The following IGBP1 variants were observed in gnomAD, a reference collection of about 807,000 sequenced individuals.
IGBP1 encodes immunoglobulin binding protein 1.
IGBP1 carries 2 observed loss-of-function variants against 25.9 expected under a neutral mutation model. That is an observed-to-expected ratio of 0.08 (90% confidence interval 0.03 to 0.24). IGBP1 has a LOEUF of 0.24. IGBP1 is among the 10% of genes least tolerant of loss of function. The probability of loss-of-function intolerance (pLI) is 1.00; values close to 1 mark genes in which losing one functional copy is unlikely to be tolerated. For synonymous variants in IGBP1, 96 were observed against 93.4 expected, an observed-to-expected ratio of 1.03 and a Z score of -0.16; for missense variants, 187 against 260.4, an observed-to-expected ratio of 0.72 and a Z score of 1.94.
chrX:70,148,904 T>TTA (rs1217309796), intron 5 of IGBP1, 64 bp downstream of exon 5: 2 of 789,567 alleles, frequency 2.5e-6, no homozygotes. Context: ...TGGCAATTCA[T>TTA]TAGTGACCCA....
At chrX:70,156,574 G>C (rs927090180) in intron 6 of IGBP1, among the ~76,000 whole-genome samples, 13 of 112,233 alleles carry the variant, frequency 1.2e-4, no homozygotes, top group African/African-American at 4.2e-4. Context: ...GGTCTAAGAA[G>C]AAATTAGAAA....
chrX:70,142,111 T>C (rs1334344913), intron 3 of IGBP1, among the ~76,000 whole-genome samples: 1 of 111,468 alleles, frequency 9.0e-6, no homozygotes, highest in Non-Finnish European at 1.9e-5. Flanking sequence ...GGCGGGCAGA[T>C]TGTTTGAGTC....
chrX:70,156,282 T>C (rs1244374937), intron 6 of IGBP1, among the ~76,000 whole-genome samples: 1 of 89,375 alleles, frequency 1.1e-5, no homozygotes, highest in African/African-American at 5.0e-5. Flanking sequence ...AAACCTTCAA[T>C]TTGTTAAAAA....
rs771604259 is a variant in IGBP1, at chrX:70,145,038, AAAAAAAG to A, written c.483-1592_483-1586del. Among the ~76,000 whole-genome samples, 595 of 109,009 alleles carry A rather than the reference AAAAAAAG, an allele frequency of 5.5e-3. 3 individuals carry two copies. Among genetic ancestry groups the A allele is most frequent in the Non-Finnish European group, 9.8e-3 (514 of 52,541 alleles). 94.7% of individuals were successfully genotyped at this position (109,009 alleles called of 115,157 possible). A position where few individuals can be genotyped will look rare whatever the true frequency, so the allele number is the denominator to read the frequency against. ...ATCTATAAAAATTTCTCAGCCAAAA[AAAAAAAG>A]AAGAAAGAAAAAGAAAGCATACAGG... On this transcript the variant is annotated intron_variant, in intron 3 of 6. Transcript: ENST00000356413.
intron 3 of IGBP1, among the ~76,000 whole-genome samples, chrX:70,140,220 T>C (rs2085121623): frequency 8.9e-6 from 1 of 112,468 alleles, no homozygotes; most frequent in Non-Finnish European, 1.9e-5. Flanking sequence ...AGCCATTTCT[T>C]GTTCACTATG....
intron 6 of IGBP1, among the ~76,000 whole-genome samples, chrX:70,153,900 T>C (rs1340487226): frequency 2.7e-5 from 3 of 110,904 alleles, no homozygotes; most frequent in African/African-American, 9.8e-5. Context: ...AAAGGCTCAA[T>C]ATCTTTTATA....
intron 3 of IGBP1, among the ~76,000 whole-genome samples, chrX:70,143,840 C>T (rs745921591): frequency 8.9e-6 from 1 of 112,271 alleles, no homozygotes; most frequent in Non-Finnish European, 1.9e-5. Context: ...GGTTCTTTTA[C>T]TAAAACAGTT....
chrX:70,146,333 G>C (rs1016369767), intron 3 of IGBP1, among the ~76,000 whole-genome samples: 1 of 110,365 alleles, frequency 9.1e-6, no homozygotes, highest in African/African-American at 3.3e-5. Context: ...CCCTAGTAAA[G>C]GCCAGTATAA....
chrX:70,146,851 A>G, intron 4 of IGBP1, 23 bp downstream of exon 4: 1 of 1,070,038 alleles, frequency 9.3e-7, no homozygotes, highest in South Asian at 1.9e-5. Context: ...AGAGAAATCT[A>G]CTGCCAGAGA....
intron 6 of IGBP1, among the ~76,000 whole-genome samples, chrX:70,159,415 G>A (rs1181454995): frequency 2.7e-5 from 3 of 111,751 alleles, no homozygotes; most frequent in African/African-American, 9.8e-5. Flanking sequence ...AGTTGCGCGG[G>A]GGGAATCTCT....
chrX:70,145,968 G>T (rs1203893299), intron 3 of IGBP1, among the ~76,000 whole-genome samples: 1 of 111,886 alleles, frequency 8.9e-6, no homozygotes, highest in Non-Finnish European at 1.9e-5. Context: ...TGGAATGAAT[G>T]CTTCATGAGA....
At chrX:70,155,682 A>G (rs1569424219) in intron 6 of IGBP1, among the ~76,000 whole-genome samples, 1 of 111,063 alleles carries the variant, frequency 9.0e-6, no homozygotes, top group Non-Finnish European at 1.9e-5. Flanking sequence ...TTCCAAAATA[A>G]AAAACAAATC....
intron 3 of IGBP1, among the ~76,000 whole-genome samples, chrX:70,144,789 A>G (rs1277218656): frequency 9.6e-6 from 1 of 104,491 alleles, no homozygotes; most frequent in Non-Finnish European, 1.9e-5. Flanking sequence ...CCTCCTGAGT[A>G]GCTGGAATTA....
chrX:70,152,430 T>G (rs1221453747), intron 6 of IGBP1, among the ~76,000 whole-genome samples: 1 of 106,748 alleles, frequency 9.4e-6, no homozygotes, highest in Non-Finnish European at 1.9e-5. Context: ...AATATATCAT[T>G]TGTCACGTTT....
chrX:70,139,325 A>G (rs1384539606), intron 3 of IGBP1, among the ~76,000 whole-genome samples: 10 of 110,026 alleles, frequency 9.1e-5, no homozygotes, highest in Non-Finnish European at 1.9e-4. Context: ...AAAAAAAAAA[A>G]AAAGAAAAGA....
rs762550757 is a variant in IGBP1, at chrX:70,166,260, A to G, written c.*279A>G. The G allele has an allele frequency of 3.7e-6, 1 of 268,230 alleles. No individual in the cohort carries two copies. The highest frequency in any genetic ancestry group is 5.9e-5 in the Admixed American group (1 of 16,861). The allele number at this position is 268,230 out of a possible 1,213,427, so 22.1% of individuals were successfully genotyped here. On this transcript the variant is annotated 3_prime_UTR_variant, in exon 7 of 7. Transcript: ENST00000356413. ...GCTGAGAAATGGCTCTGTATAATCT[A>G]TGGCTATCCGAATTCTCTGAAAAAA...
intron 6 of IGBP1, among the ~76,000 whole-genome samples, chrX:70,164,610 A>C (rs1208537180): frequency 8.9e-6 from 1 of 112,376 alleles, no homozygotes; most frequent in East Asian, 2.8e-4. Context: ...TACTATAAAA[A>C]GCAGTATAGA....
intron 3 of IGBP1, among the ~76,000 whole-genome samples, chrX:70,139,462 A>G (rs945226825): frequency 5.4e-5 from 6 of 111,633 alleles, no homozygotes; most frequent in Non-Finnish European, 9.4e-5. Flanking sequence ...ACTTTATACT[A>G]ATGTCTCCCA....
Position 70,134,775 on chromosome X carries a change from T to A in IGBP1, c.441T>A (p.Ser147Arg). 3.3e-6 allele frequency: 4 copies of A among 1,211,626 alleles called. No homozygotes were observed. Among genetic ancestry groups the A allele is most frequent in the Non-Finnish European group, 4.5e-6 (4 of 895,099 alleles). ...CCAATTCCTCCATGGCTTATCCTAGTCTCGTTGCTATGGCATCTCAAAGAC... is the reference window on the plus strand; with the variant it reads ...CCAATTCCTCCATGGCTTATCCTAGACTCGTTGCTATGGCATCTCAAAGAC... Reference protein sequence around the residue: ...HTANSSMAYPSLVAMASQRQA... With the variant: ...HTANSSMAYPRLVAMASQRQA... Residue 147 changes from serine to arginine, a missense_variant, in exon 3 of 7, where the codon AGT becomes AGA. By Grantham distance (110) the Ser-to-Arg change is moderately radical. Coordinates refer to ENST00000356413, the MANE Select transcript of IGBP1 (RefSeq NM_001551.3).
Sources: gnomAD v4.1 joint callset for allele counts (sites outside exome capture counted in the v4.1 genomes callset) on GRCh38, gnomAD v4.1.1 for gene constraint, MANE v1.5 for transcripts, NCBI Gene and HGNC (gene_info 2026-07-23, HGNC 2026-07-21) for gene names.